The following WNK1 variants were observed in gnomAD, a reference collection of about 807,000 sequenced individuals.
WNK1 encodes serine/threonine-protein kinase WNK1.
Under a neutral mutation model 222.8 loss-of-function variants are expected in WNK1, and 38 were observed. The ratio of observed to expected loss-of-function variants is 0.17; its 90% CI spans 0.13 to 0.22. The LOEUF (loss-of-function observed/expected upper bound fraction) is 0.22, where lower values mean the gene tolerates loss of function less well. Among genes scored for constraint, WNK1 ranks in the 10% least tolerant of loss-of-function variants. The pLI is 1.00. For missense variants in WNK1, 2,348 were observed against 2,918.4 expected, an observed-to-expected ratio of 0.80 and a Z score of 4.50; for synonymous variants, 1,090 against 1,092.9, an observed-to-expected ratio of 1.00 and a Z score of 0.05.
chr12:765,883 A>G (rs1941631674), intron 1 of WNK1, among the ~76,000 whole-genome samples: 1 of 152,250 alleles, frequency 6.6e-6, no homozygotes, highest in Admixed American at 6.5e-5. Context: ...TACACATTTA[A>G]ATATGTATAC....
At position 753,664 on chromosome 12, in the gene WNK1, C is replaced by G; in HGVS notation, c.99C>G (p.Ser33=). ...CCAAGAATGGCTCCAGCTCCGATTC[C>G]TCCGTGGGGGAGAAACTGGGAGCCG... ...PAPKNGSSSD[S]SVGEKLGAAA... Residue 33 remains serine (S), a synonymous_variant, in exon 1 of 28, where the codon TCC becomes TCG. Coordinates refer to ENST00000315939, the MANE Select transcript of WNK1 (RefSeq NM_018979.4). The surrounding 1 kb of genome is among the most constrained non-coding windows in gnomAD (Gnocchi z 5.2). The G allele has an allele frequency of 6.2e-7, 1 of 1,612,528 alleles. No individual in the cohort carries two copies. The highest frequency in any genetic ancestry group is 1.7e-5 in the Admixed American group (1 of 60,012).
At chr12:865,300 C>G in intron 8 of WNK1, 1 of 1,536,144 alleles carries the variant, frequency 6.5e-7, no homozygotes, top group South Asian at 1.2e-5. Context: ...AGTGTCCTGC[C>G]TATGCACTCT....
At chr12:824,103 C>T (rs968907915) in intron 2 of WNK1, among the ~76,000 whole-genome samples, 6 of 151,674 alleles carry the variant, frequency 4.0e-5, no homozygotes, top group African/African-American at 1.2e-4. Flanking sequence ...CACCATGTTT[C>T]GCCATATTGG....
chr12:763,322 G>A (rs1251039060), intron 1 of WNK1, among the ~76,000 whole-genome samples: 1 of 147,108 alleles, frequency 6.8e-6, no homozygotes, highest in East Asian at 2.0e-4. Context: ...GGTGGCTCAC[G>A]CTTGTAATCC....
chr12:853,844 G>T (rs1056545426), intron 4 of WNK1, among the ~76,000 whole-genome samples: 1 of 152,054 alleles, frequency 6.6e-6, no homozygotes, highest in Non-Finnish European at 1.5e-5. Context: ...TTTACCTCCC[G>T]GGCTGAAATG....
intron 4 of WNK1, among the ~76,000 whole-genome samples, chr12:853,002 C>G (rs1208791286): frequency 1.3e-5 from 2 of 152,104 alleles, no homozygotes; most frequent in African/African-American, 4.8e-5. Context: ...TGGTTGCTGA[C>G]TGGTAAAATT....
rs1955933969 is a variant in WNK1, at chr12:909,246, CCCT to C, written c.*460_*462del. The C allele has an allele frequency of 5.8e-6, 1 of 171,726 alleles. No homozygotes were observed. The highest frequency in any genetic ancestry group is 5.6e-5 in the Admixed American group (1 of 17,994). The allele number at this position is 171,726 out of a possible 1,614,324, so 10.6% of individuals were successfully genotyped here. ...ACCTACTGGGCTCTCTCCTACCCTG[CCCT>C]CCTCCCTTTTTTTTACCCCTCTCTT... On this transcript the variant is annotated 3_prime_UTR_variant, in exon 28 of 28. Transcript: ENST00000315939.
At chr12:844,382 A>AGC (rs1949861300) in intron 4 of WNK1, among the ~76,000 whole-genome samples, 1 of 152,102 alleles carries the variant, frequency 6.6e-6, no homozygotes. Context: ...GCAATCCACC[A>AGC]GCCCCGGCCT....
At chr12:859,167 T>G in intron 5 of WNK1, 78 bp from the exon 6 acceptor site, 1 of 1,236,128 alleles carries the variant, frequency 8.1e-7, no homozygotes, top group Non-Finnish European at 1.2e-6. Flanking sequence ...ATAACAATAA[T>G]TGGCCACATT....
At chr12:756,008 T>TA (rs1332381681) in intron 1 of WNK1, among the ~76,000 whole-genome samples, 1 of 152,166 alleles carries the variant, frequency 6.6e-6, no homozygotes, top group African/African-American at 2.4e-5. Context: ...CAAAAAAACT[T>TA]ATGTCCGATT....
chr12:834,648 C>G (rs1233931162), intron 4 of WNK1, among the ~76,000 whole-genome samples: 1 of 152,192 alleles, frequency 6.6e-6, no homozygotes, highest in African/African-American at 2.4e-5. Context: ...CTTAATTTCT[C>G]TGTACTTCAA....
chr12:786,274 A>G (rs1035101669), intron 1 of WNK1, among the ~76,000 whole-genome samples: 2 of 152,128 alleles, frequency 1.3e-5, no homozygotes, highest in Non-Finnish European at 2.9e-5. Flanking sequence ...TGTATTTCTA[A>G]CAGTTTTTAT....
In WNK1 at chr12:865,113, C is replaced by T. The variant is rs772257923; in HGVS notation, c.2139+2843C>T. 4.6e-5 allele frequency: 69 copies of T among 1,513,272 alleles called. No homozygotes were observed. Among genetic ancestry groups the T allele is most frequent in the African/African-American group, 3.2e-4 (23 of 72,128 alleles). The allele number at this position is 1,513,272 out of a possible 1,614,324, so 93.7% of individuals were successfully genotyped here. ...TGTGTGTTTGTTTTGTGTTGAGCCT[C>T]GTCGTGGCCGTAGCATGTCGGTTTG... On this transcript the variant is annotated intron_variant, in intron 8 of 27. Coordinates refer to ENST00000315939, the MANE Select transcript of WNK1 (RefSeq NM_018979.4).
At chr12:841,466 A>G (rs543146610) in intron 4 of WNK1, among the ~76,000 whole-genome samples, 3 of 152,270 alleles carry the variant, frequency 2.0e-5, no homozygotes, top group African/African-American at 7.2e-5. Flanking sequence ...ATAATATTCT[A>G]TTGCATATAT....
rs892798224 is a variant in WNK1 at position 868,698 on chromosome 12, G to A, written c.2140-2567G>A. ...GGAATTTTACCTCAGCGTGTTTACC[G>A]AAATCGGCAGGTTGCAGTGGACTTG... On this transcript the variant is annotated intron_variant, in intron 8 of 27. Coordinates refer to ENST00000315939, the MANE Select transcript of WNK1 (RefSeq NM_018979.4). The A allele has an allele frequency of 9.3e-6, 15 of 1,613,750 alleles. No homozygotes were observed. The highest frequency in any genetic ancestry group is 3.3e-5 in the South Asian group (3 of 91,086).
chr12:780,406 A>G (rs1943576861), intron 1 of WNK1, among the ~76,000 whole-genome samples: 1 of 152,232 alleles, frequency 6.6e-6, no homozygotes. Context: ...GAAATTCACA[A>G]AAATTTCAGT....
In WNK1 at chr12:775,678, A is replaced by T. The variant is rs923328930; in HGVS notation, c.759+21354A>T. Among the ~76,000 whole-genome samples, 6 of 152,202 alleles carry T rather than the reference A, an allele frequency of 3.9e-5. No homozygotes were observed. The East Asian group carries it at 5.8e-4, about 15-fold the overall frequency. On this transcript the variant is annotated intron_variant, in intron 1 of 27. Coordinates refer to ENST00000315939, the MANE Select transcript of WNK1 (RefSeq NM_018979.4). ...GCAATAGAGCAACACCTTGTCTCAA[A>T]AAAAAGTTTGAGCTATGTATGTTTG...
chr12:798,526 T>C (rs1454959636), intron 1 of WNK1, among the ~76,000 whole-genome samples: 4 of 152,180 alleles, frequency 2.6e-5, no homozygotes, highest in Non-Finnish European at 5.9e-5. Context: ...CATTTTCCCA[T>C]CCAGTATATC....
chr12:800,777 C>T (rs1945789713), intron 1 of WNK1, among the ~76,000 whole-genome samples: 1 of 152,128 alleles, frequency 6.6e-6, no homozygotes. Context: ...TGGTTTTGTT[C>T]TGGGATGTTA....
Sources: allele counts gnomAD v4.1 joint callset (sites outside exome capture counted in the v4.1 genomes callset), GRCh38; gene constraint gnomAD v4.1.1; non-coding constraint Gnocchi (gnomAD v3.1); transcripts MANE v1.5; gene names NCBI Gene and HGNC (gene_info 2026-07-23, HGNC 2026-07-21).